Variants in TBC1D12 observed in about 807,000 individuals in gnomAD.
TBC1D12 encodes TBC1 domain family member 12.
In TBC1D12, 56 loss-of-function variants were observed where a neutral mutation model predicts 86.7. That is an observed-to-expected ratio of 0.65 (90% CI 0.52 to 0.81). The LOEUF is 0.81. TBC1D12 is among the 30% of genes least tolerant of loss of function. The probability of loss-of-function intolerance (pLI) is 0.00; values close to 1 mark genes in which losing one functional copy is unlikely to be tolerated. For synonymous variants in TBC1D12, 421 were observed against 411.7 expected, an observed-to-expected ratio of 1.02 and a Z score of -0.27; for missense variants, 1,023 against 1,038.8, an observed-to-expected ratio of 0.98 and a Z score of 0.21.
chr10:94,492,471 T>C (rs551392870), intron 3 of TBC1D12, among the ~76,000 whole-genome samples: 153 of 152,342 alleles, frequency 1.0e-3, no homozygotes, highest in Non-Finnish European at 1.9e-3. Flanking sequence ...AAAAACTTGA[T>C]GTTAATTTTT....
intron 3 of TBC1D12, among the ~76,000 whole-genome samples, chr10:94,482,372 G>A (rs986374445): frequency 6.6e-6 from 1 of 151,964 alleles, no homozygotes; most frequent in Non-Finnish European, 1.5e-5. Flanking sequence ...ATGGCTACAG[G>A]GTTATTTTTA....
chr10:94,465,909 CAT>C (rs900990494), intron 2 of TBC1D12, among the ~76,000 whole-genome samples: 17 of 149,886 alleles, frequency 1.1e-4, no homozygotes, highest in Non-Finnish European at 2.1e-4. Flanking sequence ...CGCATATATA[CAT>C]ATATACGTAT....
chr10:94,532,169 C>T (rs986272471), intron 12 of TBC1D12, among the ~76,000 whole-genome samples: 2 of 146,142 alleles, frequency 1.4e-5, no homozygotes, highest in East Asian at 4.2e-4. Flanking sequence ...CGTCAGTCAC[C>T]GCGCCTGGCC....
chr10:94,512,238 ACTAT>A (rs907988354), intron 9 of TBC1D12, among the ~76,000 whole-genome samples: 1 of 152,158 alleles, frequency 6.6e-6, no homozygotes, highest in Non-Finnish European at 1.5e-5. Context: ...AATACTATTA[ACTAT>A]CTACTGTATA....
intron 7 of TBC1D12, 77 bp downstream of exon 7, chr10:94,507,424 C>T (rs546623397): frequency 2.7e-5 from 33 of 1,230,058 alleles, no homozygotes; most frequent in South Asian, 5.6e-5. Context: ...CTGTAGTAAT[C>T]GCTTTACATA....
intron 1 of TBC1D12, among the ~76,000 whole-genome samples, chr10:94,413,403 T>C (rs1370928652): frequency 6.6e-6 from 1 of 152,242 alleles, no homozygotes; most frequent in Non-Finnish European, 1.5e-5. Context: ...CCTTTACCTT[T>C]CTTATAGCCT....
chr10:94,496,994 G>T, intron 4 of TBC1D12, 61 bp from the exon 5 acceptor site: 4 of 957,934 alleles, frequency 4.2e-6, no homozygotes, highest in Non-Finnish European at 4.5e-6. Context: ...TTAGGTAAAT[G>T]GAGAAAAGGA....
chr10:94,498,774 G>T (rs538831809), intron 5 of TBC1D12, among the ~76,000 whole-genome samples: 361 of 143,098 alleles, frequency 2.5e-3, no homozygotes, highest in African/African-American at 8.9e-3. Flanking sequence ...TTTTTTGAGG[G>T]TTTTTTTTTT....
chr10:94,514,323 C>T (rs984614031), intron 9 of TBC1D12, among the ~76,000 whole-genome samples: 14 of 152,006 alleles, frequency 9.2e-5, no homozygotes, highest in African/African-American at 3.4e-4. Flanking sequence ...TGTAGTAAGC[C>T]GAAATGGTGC....
intron 2 of TBC1D12, among the ~76,000 whole-genome samples, chr10:94,457,785 A>C (rs2134115408): frequency 6.6e-6 from 1 of 152,162 alleles, no homozygotes; most frequent in Admixed American, 6.5e-5. Context: ...TTAGCATATC[A>C]GTTATACTTC....
chr10:94,489,918 C>T (rs1008098773), intron 3 of TBC1D12, among the ~76,000 whole-genome samples: 4 of 152,156 alleles, frequency 2.6e-5, no homozygotes, highest in Admixed American at 1.3e-4. Flanking sequence ...CACAGATCAC[C>T]ATAACAGATA....
chr10:94,422,352 G>C lies in TBC1D12; in HGVS notation c.971+18768G>C, dbSNP rs187839943. ...CTACAGGTGTGTGCCACCACACCCAGCCAATTTTTGTATTTTTAGTAGAGA... is the reference window on the plus strand; with the variant it reads ...CTACAGGTGTGTGCCACCACACCCACCCAATTTTTGTATTTTTAGTAGAGA... On this transcript the variant is annotated intron_variant, in intron 1 of 12. Transcript: ENST00000225235. Among the ~76,000 whole-genome samples, 699 of 151,602 alleles carry C rather than the reference G, an allele frequency of 4.6e-3. 6 individuals carry two copies. The highest frequency in any genetic ancestry group is 0.016 in the African/African-American group (671 of 41,306).
chr10:94,531,909 A>AT (rs1842443845), intron 12 of TBC1D12, among the ~76,000 whole-genome samples: 1 of 149,940 alleles, frequency 6.7e-6, no homozygotes, highest in Admixed American at 6.7e-5. Context: ...ATGTTATGTT[A>AT]TTTTATTGTC....
intron 5 of TBC1D12, among the ~76,000 whole-genome samples, chr10:94,498,305 A>G (rs2056350812): frequency 6.6e-6 from 1 of 152,120 alleles, no homozygotes; most frequent in African/African-American, 2.4e-5. Flanking sequence ...CCCTTATGTA[A>G]ATGTCCCATC....
At chr10:94,519,162 G>A (rs1412642471) in intron 9 of TBC1D12, among the ~76,000 whole-genome samples, 2 of 152,120 alleles carry the variant, frequency 1.3e-5, no homozygotes, top group African/African-American at 4.8e-5. Context: ...TTTTTTAGCA[G>A]TATGTAAAAT....
At chr10:94,437,224 A>G (rs1413092397) in intron 1 of TBC1D12, among the ~76,000 whole-genome samples, 3 of 152,040 alleles carry the variant, frequency 2.0e-5, no homozygotes, top group Admixed American at 1.3e-4. Context: ...TTTGACTATA[A>G]TGTATCTCAG....
At chr10:94,439,378 T>G (rs2055347880) in intron 1 of TBC1D12, among the ~76,000 whole-genome samples, 1 of 152,138 alleles carries the variant, frequency 6.6e-6, no homozygotes, top group African/African-American at 2.4e-5. Context: ...GTAGGAATTG[T>G]AGAGGGAATA....
intron 2 of TBC1D12, among the ~76,000 whole-genome samples, chr10:94,446,669 C>T (rs953151455): frequency 3.3e-5 from 5 of 152,062 alleles, no homozygotes; most frequent in African/African-American, 9.7e-5. Flanking sequence ...GCACTACAGG[C>T]GCACACCACT....
intron 9 of TBC1D12, among the ~76,000 whole-genome samples, chr10:94,520,786 A>G (rs1842129367): frequency 6.6e-6 from 1 of 151,686 alleles, no homozygotes; most frequent in South Asian, 2.1e-4. Context: ...CAGCCTCCTG[A>G]GTAGCTAGGA....
Sources: gnomAD v4.1 joint callset for allele counts (sites outside exome capture counted in the v4.1 genomes callset) on GRCh38, gnomAD v4.1.1 for gene constraint, MANE v1.5 for transcripts, NCBI Gene and HGNC (gene_info 2026-07-23, HGNC 2026-07-21) for gene names.